The following SLC22A16 variants were observed in gnomAD, a reference collection of about 807,000 sequenced individuals.
The protein encoded by SLC22A16 is WUGSC:RG331P03.1.
In SLC22A16, 53 loss-of-function variants were observed where a neutral mutation model predicts 52.9. The ratio of observed to expected loss-of-function variants is 1.00; its 90% CI spans 0.80 to 1.26. The LOEUF (loss-of-function observed/expected upper bound fraction) is 1.26, where lower values mean the gene tolerates loss of function less well. SLC22A16 is among the 50% of genes most tolerant of loss of function. The probability of loss-of-function intolerance (pLI) is 0.00; values close to 1 mark genes in which losing one functional copy is unlikely to be tolerated. For synonymous variants in SLC22A16, 291 were observed against 268.8 expected, an observed-to-expected ratio of 1.08 and a Z score of -0.81; for missense variants, 726 against 704.0, an observed-to-expected ratio of 1.03 and a Z score of -0.35.
intron 7 of SLC22A16, among the ~76,000 whole-genome samples, chr6:110,428,921 GA>G (rs1163470895): frequency 1.3e-4 from 20 of 152,144 alleles, no homozygotes; most frequent in African/African-American, 4.6e-4. Context: ...CTCTGTCTCA[GA>G]AGAATAATAA....
intron 7 of SLC22A16, 142 bp from the exon 8 acceptor site, chr6:110,425,227 C>G (rs534921752): frequency 3.6e-5 from 54 of 1,517,652 alleles, no homozygotes; most frequent in Non-Finnish European, 4.1e-5. Context: ...TCGGTGAGAT[C>G]TTTGGTTACT....
At chr6:110,473,914 G>A (rs4543405) in intron 1 of SLC22A16, among the ~76,000 whole-genome samples, 5 of 151,902 alleles carry the variant, frequency 3.3e-5, no homozygotes, top group South Asian at 4.1e-4. Context: ...GTTCTCTACT[G>A]TAGGGGTCCC....
intron 2 of SLC22A16, among the ~76,000 whole-genome samples, chr6:110,452,104 C>CCT (rs2114971441): frequency 6.6e-6 from 1 of 152,130 alleles, no homozygotes; most frequent in East Asian, 1.9e-4. Context: ...TCTAAGGGAG[C>CCT]CTCAATCTGT....
intron 6 of SLC22A16, among the ~76,000 whole-genome samples, 200 bp from the exon 7 acceptor site, chr6:110,431,470 A>G (rs748419769): frequency 6.6e-6 from 1 of 152,190 alleles, no homozygotes; most frequent in Non-Finnish European, 1.5e-5. Context: ...CTATCTTTCA[A>G]TATGTTTAGA....
intron 1 of SLC22A16, among the ~76,000 whole-genome samples, chr6:110,465,307 A>G (rs1033457875): frequency 5.9e-5 from 9 of 152,112 alleles, no homozygotes; most frequent in Admixed American, 3.9e-4. Flanking sequence ...GCAATTAGGT[A>G]AAAGAAAGAA....
intron 2 of SLC22A16, among the ~76,000 whole-genome samples, chr6:110,452,172 C>G (rs1775410772): frequency 6.6e-6 from 1 of 152,194 alleles, no homozygotes; most frequent in Non-Finnish European, 1.5e-5. Context: ...TTATAATTGT[C>G]TCCACAGAGG....
At chr6:110,442,177 G>C (rs1216325625) in intron 4 of SLC22A16, 67 bp downstream of exon 4, 3 of 1,451,620 alleles carry the variant, frequency 2.1e-6, no homozygotes, top group South Asian at 1.3e-5. Context: ...CACAGAAACA[G>C]ACACACACAC....
chr6:110,458,633 C>G (rs1457699389), intron 1 of SLC22A16, among the ~76,000 whole-genome samples: 2 of 152,326 alleles, frequency 1.3e-5, no homozygotes, highest in Non-Finnish European at 1.5e-5. Context: ...CTGGGTGTGT[C>G]TGTGAGAGTG....
chr6:110,476,278 A>C, intron 1 of SLC22A16: 1 of 1,253,692 alleles, frequency 8.0e-7, no homozygotes. Context: ...CTGCCCGGCA[A>C]CAGGCGCACT....
At position 110,424,807 on chromosome 6, in the gene SLC22A16, A is replaced by G. The variant is rs1440749675; in HGVS notation, c.*66T>C. 1 of 1,562,610 alleles carries G rather than the reference A, an allele frequency of 6.4e-7. No homozygotes were observed. The highest frequency in any genetic ancestry group is 8.8e-7 in the Non-Finnish European group (1 of 1,140,890). ...ACAACATATGGGAGATGAGAATAAG[A>G]TTCCTCTAATACAAAGGCATTAGGG... is the stretch of plus-strand genomic sequence containing the variant. On this transcript the variant is annotated 3_prime_UTR_variant, in exon 8 of 8. Transcript: ENST00000368919.
At chr6:110,425,842 A>G (rs1203459974) in intron 7 of SLC22A16, among the ~76,000 whole-genome samples, 2 of 152,278 alleles carry the variant, frequency 1.3e-5, no homozygotes, top group Non-Finnish European at 1.5e-5. Context: ...TTTTATTAAC[A>G]GAGCTAAATC....
In SLC22A16 at chr6:110,438,269, G is replaced by A. The variant is rs1039362539; in HGVS notation, c.1311+451C>T. On this transcript the variant is annotated intron_variant, in intron 5 of 7. Transcript: ENST00000368919. ...GACTTTCCTCACACAAGATTATTGC[G>A]TTTACAAAATACAACACTGGTCATC... is the stretch of plus-strand genomic sequence containing the variant. 3.9e-5 allele frequency among the ~76,000 whole-genome samples: 6 copies of A among 152,144 alleles called. No homozygotes were observed. In the East Asian group the frequency reaches 9.6e-4, roughly 24 times the overall value.
intron 2 of SLC22A16, among the ~76,000 whole-genome samples, chr6:110,454,449 T>C (rs1283670778): frequency 6.7e-6 from 1 of 149,326 alleles, no homozygotes; most frequent in Non-Finnish European, 1.5e-5. Flanking sequence ...TACCAGTTAA[T>C]GGTATGCAAC....
Position 110,431,451 on chromosome 6 carries a change from C to T in SLC22A16, c.1422-181G>A, listed in dbSNP as rs116380411. Among the ~76,000 whole-genome samples the T allele has an allele frequency of 4.5e-3, 678 of 152,306 alleles. 8 individuals are homozygous for T. Among genetic ancestry groups the T allele is most frequent in the African/African-American group, 0.016 (645 of 41,578 alleles). ...GAGATTATAATAGCACATTTTTACT[C>T]GACTTTTTCTATCTTTCAATATGTT... On this transcript the variant is annotated intron_variant, in intron 6 of 7. Coordinates refer to ENST00000368919, the MANE Select transcript of SLC22A16 (RefSeq NM_033125.4).
At chr6:110,457,162 G>T (rs948745890) in intron 1 of SLC22A16, 145 bp from the exon 2 acceptor site, 19 of 811,698 alleles carry the variant, frequency 2.3e-5, no homozygotes, top group Non-Finnish European at 2.9e-5. Flanking sequence ...ATTTATATCT[G>T]TGGGTTAGTA....
chr6:110,432,841 A>G (rs1261585282), intron 6 of SLC22A16, among the ~76,000 whole-genome samples: 1 of 152,066 alleles, frequency 6.6e-6, no homozygotes, highest in East Asian at 1.9e-4. Flanking sequence ...CCTTACCCCA[A>G]AATACCTTCT....
intron 4 of SLC22A16, among the ~76,000 whole-genome samples, chr6:110,441,490 G>C (rs778181299): frequency 6.6e-5 from 10 of 152,206 alleles, no homozygotes; most frequent in Admixed American, 1.3e-4. Context: ...GTTACCAAGG[G>C]GGGCCATGGT....
At chr6:110,450,611 CAAAAAAAAAA>C (rs35567505) in intron 2 of SLC22A16, among the ~76,000 whole-genome samples, 6 of 48,734 alleles carry the variant, frequency 1.2e-4, no homozygotes, top group Non-Finnish European at 2.1e-4. Context: ...GACATCTTCT[CAAAAAAAAAA>C]AAAAAAAAAA....
chr6:110,462,990 A>G (rs74552862), intron 1 of SLC22A16, among the ~76,000 whole-genome samples: 411 of 152,146 alleles, frequency 2.7e-3, no homozygotes, highest in African/African-American at 9.7e-3. Flanking sequence ...AAAGGAAAAA[A>G]AAAAGCCTCC....
Sources: gnomAD v4.1 joint callset for allele counts (sites outside exome capture counted in the v4.1 genomes callset) on GRCh38, gnomAD v4.1.1 for gene constraint, MANE v1.5 for transcripts, NCBI Gene and HGNC (gene_info 2026-07-23, HGNC 2026-07-21) for gene names.